COL5A2: variants seen among roughly 807,000 people sequenced by gnomAD.
COL5A2 encodes the protein collagen type V alpha 2 chain, also known as collagen alpha-2(V) chain.
In COL5A2, 23 loss-of-function variants were observed where a neutral mutation model predicts 208.2. The ratio of observed to expected loss-of-function variants is 0.11; its 90% CI spans 0.08 to 0.16. COL5A2 has a LOEUF of 0.16. Among genes scored for constraint, COL5A2 ranks in the 10% least tolerant of loss-of-function variants. The pLI is 1.00. For missense variants in COL5A2, 1,590 were observed against 1,956.4 expected (o/e 0.81, Z 3.53); for synonymous variants, 625 against 628.5 (o/e 0.99, Z 0.08).
At chr2:189,077,176 G>A (rs1353673885) in intron 16 of COL5A2, among the ~76,000 whole-genome samples, 2 of 152,096 alleles carry the variant, frequency 1.3e-5, no homozygotes, top group African/African-American at 4.8e-5. Context: ...CTCTCTTGTT[G>A]AAGATGATAC....
chr2:189,125,651 G>A (rs1479011487), intron 1 of COL5A2, among the ~76,000 whole-genome samples: 1 of 151,740 alleles, frequency 6.6e-6, no homozygotes, highest in Non-Finnish European at 1.5e-5. Flanking sequence ...CCTTTTTCTA[G>A]CTTCATTTAT....
At chr2:189,297,518 T>C in the COL5A2 span, among the ~76,000 whole-genome samples, 1 of 152,180 alleles carries the variant, frequency 6.6e-6, no homozygotes, top group Non-Finnish European at 1.5e-5. Flanking sequence ...TAAAAATTGA[T>C]ACATAGTGAT....
the COL5A2 span, among the ~76,000 whole-genome samples, chr2:189,279,316 A>G: frequency 2.0e-5 from 3 of 152,000 alleles, no homozygotes; most frequent in African/African-American, 7.2e-5. Context: ...TAAAAAAAAG[A>G]AACACAGACT....
At chr2:189,186,745 T>C (rs1347524803) in intron 1 of COL5A2, among the ~76,000 whole-genome samples, 2 of 152,226 alleles carry the variant, frequency 1.3e-5, no homozygotes, top group African/African-American at 4.8e-5. Flanking sequence ...GTCATTATAA[T>C]AATATCATTT....
At chr2:189,413,169 T>C in the COL5A2 span, among the ~76,000 whole-genome samples, 1 of 152,226 alleles carries the variant, frequency 6.6e-6, no homozygotes, top group Non-Finnish European at 1.5e-5. Context: ...CAAGCCTTTA[T>C]TGCCAGACCA....
At chr2:189,327,627 A>G in the COL5A2 span, among the ~76,000 whole-genome samples, 1 of 152,344 alleles carries the variant, frequency 6.6e-6, no homozygotes, top group East Asian at 1.9e-4. Context: ...TCAAATAAAG[A>G]GTTGAAAGAT....
At chr2:189,429,548 T>C in the COL5A2 span, among the ~76,000 whole-genome samples, 1 of 152,208 alleles carries the variant, frequency 6.6e-6, no homozygotes, top group Admixed American at 6.5e-5. Flanking sequence ...GGTTCAGGGG[T>C]TGCCCTACTT....
chr2:189,280,671 T>C, the COL5A2 span, among the ~76,000 whole-genome samples: 1 of 152,180 alleles, frequency 6.6e-6, no homozygotes. Context: ...ACAAGGTATA[T>C]ACATTTTACA....
the COL5A2 span, among the ~76,000 whole-genome samples, chr2:189,277,122 T>C: frequency 6.6e-6 from 1 of 152,182 alleles, no homozygotes; most frequent in Admixed American, 6.6e-5. Context: ...AAACTATATG[T>C]AGAAATGAAA....
intron 1 of COL5A2, among the ~76,000 whole-genome samples, chr2:189,164,460 T>G (rs1484213295): frequency 6.6e-6 from 1 of 152,116 alleles, no homozygotes; most frequent in Non-Finnish European, 1.5e-5. Flanking sequence ...TCTAGATAGT[T>G]ATATAAGCAG....
At chr2:189,440,698 T>C in the COL5A2 span, among the ~76,000 whole-genome samples, 1 of 152,090 alleles carries the variant, frequency 6.6e-6, no homozygotes, top group African/African-American at 2.4e-5. Context: ...AAACTGGAGA[T>C]AAACTGGCAA....
At chr2:189,381,995 G>A in the COL5A2 span, among the ~76,000 whole-genome samples, 1 of 152,022 alleles carries the variant, frequency 6.6e-6, no homozygotes, top group East Asian at 1.9e-4. Flanking sequence ...AAGCATGTTT[G>A]TTGAAATTCA....
Position 189,041,614 on chromosome 2 carries a change from C to T in COL5A2, c.3605G>A (p.Arg1202Gln). ...PLGPIGPPGV[R>Q]GSVGEAGPEG... ...AGGTCCTGCTTCTCCTACACTGCCT[C>T]GTACACCTGGAGGTCCAATTGGCCC... Residue 1202 changes from arginine (R) to glutamine (Q), a missense_variant, in exon 50 of 54, where the codon CGA becomes CAA. Coordinates refer to ENST00000374866, the MANE Select transcript of COL5A2 (RefSeq NM_000393.5). 1.9e-6 allele frequency: 3 copies of T among 1,613,972 alleles called. No homozygotes were observed. Among genetic ancestry groups the T allele is most frequent in the South Asian group, 1.1e-5 (1 of 91,080 alleles).
At chr2:189,314,992 T>C in the COL5A2 span, among the ~76,000 whole-genome samples, 1 of 152,168 alleles carries the variant, frequency 6.6e-6, no homozygotes, top group Non-Finnish European at 1.5e-5. Flanking sequence ...AGATGAATTC[T>C]TCCAAATGTA....
chr2:189,350,431 G>T, the COL5A2 span, among the ~76,000 whole-genome samples: 1 of 152,080 alleles, frequency 6.6e-6, no homozygotes, highest in Non-Finnish European at 1.5e-5. Context: ...GCTCTAAAAA[G>T]AATACAGTCA....
intron 1 of COL5A2, among the ~76,000 whole-genome samples, chr2:189,120,611 T>C (rs1687480760): frequency 6.6e-6 from 1 of 152,218 alleles, no homozygotes; most frequent in Non-Finnish European, 1.5e-5. Context: ...ATATCATCTA[T>C]TGATTCTCCT....
chr2:189,256,359 A>C, the COL5A2 span, among the ~76,000 whole-genome samples: 2 of 152,202 alleles, frequency 1.3e-5, no homozygotes, highest in Admixed American at 1.3e-4. Context: ...TCCTGGTAGA[A>C]TTAAGGCCAC....
chr2:189,353,587 T>TG, the COL5A2 span, among the ~76,000 whole-genome samples: 2 of 152,214 alleles, frequency 1.3e-5, no homozygotes, highest in Non-Finnish European at 2.9e-5. Flanking sequence ...TTTGGCTTTC[T>TG]GTTTGTCTGT....
chr2:189,098,883 A>T, intron 4 of COL5A2, 124 bp from the exon 5 acceptor site: 1 of 680,862 alleles, frequency 1.5e-6, no homozygotes, highest in South Asian at 1.5e-5. Flanking sequence ...GATGTTGTCA[A>T]TTGATGACCA....
Sources: allele counts gnomAD v4.1 joint callset (sites outside exome capture counted in the v4.1 genomes callset), GRCh38; gene constraint gnomAD v4.1.1; transcripts MANE v1.5; gene names NCBI Gene and HGNC (gene_info 2026-07-23, HGNC 2026-07-21).